Variants in AGPAT5 observed in about 807,000 individuals in gnomAD.
AGPAT5 encodes the protein 1-acylglycerol-3-phosphate O-acyltransferase 5, also known as 1-acyl-sn-glycerol-3-phosphate acyltransferase epsilon.
A neutral mutation model predicts 45.6 loss-of-function variants in AGPAT5; 46 were observed. That is an observed-to-expected ratio of 1.01 (90% confidence interval 0.80 to 1.29). The LOEUF is 1.29. Ranked by LOEUF, AGPAT5 falls within the 50% of genes most tolerant of loss-of-function variation. The pLI, the probability that AGPAT5 is intolerant of heterozygous loss-of-function variation, is 0.00. For missense variants in AGPAT5, 673 were observed against 450.7 expected, an observed-to-expected ratio of 1.49 and a Z score of -4.47; for synonymous variants, 272 against 167.0, an observed-to-expected ratio of 1.63 and a Z score of -4.85.
chr8:6,759,533 A>G lies in AGPAT5; in HGVS notation c.*2145A>G, dbSNP rs1301573108. Reference sequence around the variant, plus strand: ...TATCATTTAAACTTTTGTTTGTATTATTACTGATTTACAGCTTAGTTATTA... The same window carrying G: ...TATCATTTAAACTTTTGTTTGTATTGTTACTGATTTACAGCTTAGTTATTA... On this transcript the variant is annotated 3_prime_UTR_variant, in exon 8 of 8. Coordinates refer to ENST00000285518, the MANE Select transcript of AGPAT5 (RefSeq NM_018361.5). 3 of 152,126 alleles carry G rather than the reference A, an allele frequency of 2.0e-5. No individual in the cohort carries two copies. The highest frequency in any genetic ancestry group is 4.8e-5 in the African/African-American group (2 of 41,422). 9.4% of individuals were successfully genotyped at this position (152,126 alleles called of 1,614,324 possible).
At chr8:6,736,618 T>A (rs1287513232) in intron 4 of AGPAT5, among the ~76,000 whole-genome samples, 1 of 152,250 alleles carries the variant, frequency 6.6e-6, no homozygotes. Flanking sequence ...TGGAAATCAG[T>A]TGAAGCCTCA....
chr8:6,722,002 G>T (rs533837303), intron 1 of AGPAT5, among the ~76,000 whole-genome samples: 1 of 152,120 alleles, frequency 6.6e-6, no homozygotes, highest in Non-Finnish European at 1.5e-5. Context: ...TAAAGAAGGG[G>T]TTTGTATGTG....
At chr8:6,753,849 G>A (rs537732322) in intron 6 of AGPAT5, among the ~76,000 whole-genome samples, 2 of 152,224 alleles carry the variant, frequency 1.3e-5, no homozygotes, top group East Asian at 1.9e-4. Context: ...AAGAATACAG[G>A]GTATTTTTGA....
chr8:6,741,119 A>G (rs975444830), intron 4 of AGPAT5, among the ~76,000 whole-genome samples: 8 of 152,142 alleles, frequency 5.3e-5, no homozygotes, highest in South Asian at 4.1e-4. Context: ...GGTTTCTTAT[A>G]AATAAAATTT....
rs1286669092 is a variant in AGPAT5 at position 6,757,277 on chromosome 8, A to T, written c.984A>T (p.Leu328Phe). ...IKKTLPSMLI[L>F]SGLTAGMLMT... ...AGACTTTACCATCAATGTTGATCTT[A>T]AGTGGTTTGACTGCAGGCATGCTTA... Residue 328 changes from leucine (L) to phenylalanine (F), a missense_variant, in exon 8 of 8, where the codon TTA becomes TTT. Transcript: ENST00000285518. 2 of 1,614,212 alleles carry T rather than the reference A, an allele frequency of 1.2e-6. No individual in the cohort carries two copies. Among genetic ancestry groups the T allele is most frequent in the Non-Finnish European group, 1.7e-6 (2 of 1,180,016 alleles).
At chr8:6,724,988 T>A in intron 2 of AGPAT5, 49 bp downstream of exon 2, 1 of 722,354 alleles carries the variant, frequency 1.4e-6, no homozygotes, top group Non-Finnish European at 2.0e-6. Flanking sequence ...AGATGGCACA[T>A]GGGCATTCAA....
intron 1 of AGPAT5, among the ~76,000 whole-genome samples, chr8:6,722,672 T>C (rs1279547058): frequency 6.6e-6 from 1 of 152,226 alleles, no homozygotes; most frequent in Non-Finnish European, 1.5e-5. Context: ...GTGAAACTGG[T>C]CCGCATCTAA....
chr8:6,748,743 G>A (rs1455120215), intron 6 of AGPAT5, among the ~76,000 whole-genome samples: 1 of 152,130 alleles, frequency 6.6e-6, no homozygotes, highest in African/African-American at 2.4e-5. Flanking sequence ...TACCTCAGGT[G>A]ATCCACGCAC....
intron 1 of AGPAT5, among the ~76,000 whole-genome samples, chr8:6,712,504 C>A (rs369485957): frequency 2.0e-5 from 3 of 152,176 alleles, no homozygotes; most frequent in Admixed American, 6.5e-5. Flanking sequence ...AAAGCCCTAT[C>A]TATAGGATAG....
At chr8:6,735,749 G>C (rs777959589) in intron 4 of AGPAT5, among the ~76,000 whole-genome samples, 1 of 151,404 alleles carries the variant, frequency 6.6e-6, no homozygotes, top group Non-Finnish European at 1.5e-5. Context: ...AATGGAAGCC[G>C]CCTCCCATTT....
At chr8:6,718,071 A>G (rs148062979) in intron 1 of AGPAT5, among the ~76,000 whole-genome samples, 1 of 152,244 alleles carries the variant, frequency 6.6e-6, no homozygotes, top group African/African-American at 2.4e-5. Flanking sequence ...TTTGAAGACA[A>G]AATGAGATAA....
chr8:6,747,195 A>G (rs1458237337), intron 5 of AGPAT5, among the ~76,000 whole-genome samples: 1 of 152,266 alleles, frequency 6.6e-6, no homozygotes, highest in Non-Finnish European at 1.5e-5. Flanking sequence ...CTATTCAGCC[A>G]TAAAAAGGAA....
intron 2 of AGPAT5, among the ~76,000 whole-genome samples, chr8:6,727,867 C>A (rs992030608): frequency 2.0e-5 from 3 of 152,150 alleles, no homozygotes; most frequent in African/African-American, 7.2e-5. Context: ...TGTCAGTGGG[C>A]AAATTACTTA....
intron 1 of AGPAT5, among the ~76,000 whole-genome samples, chr8:6,710,753 G>A (rs992713785): frequency 1.3e-5 from 2 of 152,084 alleles, no homozygotes; most frequent in African/African-American, 4.8e-5. Flanking sequence ...AATCAATAGA[G>A]GAATAAATAG....
chr8:6,715,525 T>C lies in AGPAT5; in HGVS notation c.219+6638T>C, dbSNP rs559713794. ...TTCTATTATGTAAATAATTCCATCTTTACAAAGTAGGCACCATTCTTCCTC... is the reference window on the plus strand; with the variant it reads ...TTCTATTATGTAAATAATTCCATCTCTACAAAGTAGGCACCATTCTTCCTC... On this transcript the variant is annotated intron_variant, in intron 1 of 7. Coordinates refer to ENST00000285518, the MANE Select transcript of AGPAT5 (RefSeq NM_018361.5). Among the ~76,000 whole-genome samples the C allele has an allele frequency of 8.5e-5, 13 of 152,318 alleles. No homozygotes were observed. In the East Asian group the frequency reaches 2.5e-3, roughly 29 times the overall value.
chr8:6,734,978 C>G (rs1041058095), intron 4 of AGPAT5, among the ~76,000 whole-genome samples: 1 of 152,144 alleles, frequency 6.6e-6, no homozygotes. Context: ...ATGCCTTTCC[C>G]CACTATACTT....
chr8:6,746,284 A>T (rs1261380361), intron 5 of AGPAT5: 1 of 152,180 alleles, frequency 6.6e-6, no homozygotes, highest in African/African-American at 2.4e-5. Context: ...CCTCTTGGCC[A>T]TTCCCCTTCT....
intron 4 of AGPAT5, among the ~76,000 whole-genome samples, chr8:6,739,560 A>T (rs1300449153): frequency 1.3e-5 from 2 of 152,110 alleles, no homozygotes; most frequent in African/African-American, 4.8e-5. Flanking sequence ...ATTTAAAAAA[A>T]TTTCAAGTTT....
At chr8:6,709,519 A>G (rs1015969635) in intron 1 of AGPAT5, 1 of 152,090 alleles carries the variant, frequency 6.6e-6, no homozygotes, top group African/African-American at 2.4e-5. Flanking sequence ...AACAAACCAT[A>G]AAAGTGGAAG....
Sources: allele counts gnomAD v4.1 joint callset (sites outside exome capture counted in the v4.1 genomes callset), GRCh38; gene constraint gnomAD v4.1.1; transcripts MANE v1.5; gene names NCBI Gene and HGNC (gene_info 2026-07-23, HGNC 2026-07-21).